Variants in OR8B3 observed in about 807,000 individuals in gnomAD.
OR8B3 encodes olfactory receptor 8B3.
For synonymous variants in OR8B3, 102 were observed against 135.4 expected (o/e 0.75, Z 1.71); for missense variants, 278 against 377.6 (o/e 0.74, Z 2.19).
the OR8B3 span, chr11:124,404,662 T>G: frequency 6.6e-6 from 1 of 152,224 alleles, no homozygotes; most frequent in Non-Finnish European, 1.5e-5. Flanking sequence ...CAGATCCTGT[T>G]TATCCCATTC....
At chr11:124,401,858 G>T (rs1442949607), upstream of OR8B3, among the ~76,000 whole-genome samples, 1 of 152,224 alleles carries the variant, frequency 6.6e-6, no homozygotes, top group Non-Finnish European at 1.5e-5. Context: ...GCTGAGCACT[G>T]TGCTTCTTGG....
intron 1 of OR8B3, among the ~76,000 whole-genome samples, chr11:124,397,819 C>A (rs1860915602): frequency 6.6e-6 from 1 of 151,972 alleles, no homozygotes; most frequent in African/African-American, 2.4e-5. Flanking sequence ...GTCCAGCCTC[C>A]CAGGTAGCTA....
chr11:124,406,999 T>TG, the OR8B3 span, among the ~76,000 whole-genome samples: 1 of 152,198 alleles, frequency 6.6e-6, no homozygotes, highest in Non-Finnish European at 1.5e-5. Context: ...CAAATGTTTT[T>TG]GGGGGCTCTC....
chr11:124,401,435 C>T (rs7123972), upstream of OR8B3, among the ~76,000 whole-genome samples: 2,578 of 152,248 alleles, frequency 0.017, 84 homozygotes, highest in African/African-American at 0.059. Context: ...ACACAGCAAT[C>T]ATCATCAATG....
upstream of OR8B3, chr11:124,399,157 A>T (rs1161106003): frequency 3.3e-5 from 5 of 152,360 alleles, no homozygotes; most frequent in Admixed American, 2.0e-4. Flanking sequence ...CATAGGAGAA[A>T]GAGCATCTGC....
At chr11:124,401,324 C>A (rs1360333759), upstream of OR8B3, among the ~76,000 whole-genome samples, 1 of 151,878 alleles carries the variant, frequency 6.6e-6, no homozygotes, top group Non-Finnish European at 1.5e-5. Flanking sequence ...GGAGAACCCT[C>A]ATGGCCTAAT....
chr11:124,403,097 T>G (rs1260348544), upstream of OR8B3, among the ~76,000 whole-genome samples: 2 of 152,242 alleles, frequency 1.3e-5, no homozygotes, highest in African/African-American at 4.8e-5. Flanking sequence ...CTTAATCCAT[T>G]TAACCCTGAG....
chr11:124,399,902 A>G (rs1347533636), upstream of OR8B3, among the ~76,000 whole-genome samples: 6 of 125,316 alleles, frequency 4.8e-5, no homozygotes, highest in African/African-American at 1.9e-4. Context: ...TTTTTTTTTG[A>G]GACTGTGTCC....
upstream of OR8B3, among the ~76,000 whole-genome samples, chr11:124,402,474 A>G (rs577048528): frequency 4.3e-4 from 66 of 152,334 alleles, no homozygotes; most frequent in South Asian, 0.013. Flanking sequence ...GATTCACAGC[A>G]GAGCCAGGCA....
chr11:124,403,402 G>A (rs574070562), upstream of OR8B3, among the ~76,000 whole-genome samples: 797 of 151,570 alleles, frequency 5.3e-3, 1 homozygote, highest in Non-Finnish European at 9.2e-3. Context: ...CGGACGGGGC[G>A]GCTGCCGGGC....
In OR8B3 at chr11:124,396,543, C is replaced by G. The variant is rs752703352; in HGVS notation, c.809G>C (p.Gly270Ala). The G allele has an allele frequency of 1.1e-5, 18 of 1,613,696 alleles. No individual in the cohort carries two copies. The highest frequency in any genetic ancestry group is 1.4e-5 in the Non-Finnish European group (17 of 1,179,910). Residue 270 changes from glycine to alanine, a missense_variant, in exon 2 of 2, where the codon GGA (glycine) becomes GCA (alanine). Physicochemically the swap from Gly to Ala is moderately conservative, Grantham distance 60 (BLOSUM62 0). Coordinates refer to ENST00000641139, the MANE Select transcript of OR8B3 (RefSeq NM_001005467.2). ...AGTGTAGAAAACAGAAGAAACTTTT[C>G]CCTGCTCCATAGATCCAGAAGAATA... Reference protein sequence around the residue: ...IKYSSGSMEQGKVSSVFYTNV... With the variant: ...IKYSSGSMEQAKVSSVFYTNV...
Position 124,396,254 on chromosome 11 carries a change from C to CA in OR8B3, c.*155dup. 2 of 778,974 alleles carry CA rather than the reference C, an allele frequency of 2.6e-6. No individual in the cohort carries two copies. The highest frequency in any genetic ancestry group is 3.9e-6 in the Non-Finnish European group (2 of 511,758). 48.3% of individuals were successfully genotyped at this position (778,974 alleles called of 1,614,324 possible). On this transcript the variant is annotated 3_prime_UTR_variant, in exon 2 of 2. Transcript: ENST00000641139. The stretch of plus-strand genomic sequence containing the variant: ...GTGAGAAGTGCCAGAGATGCAAAAC[C>CA]AAAAAAAGAGACAAGATGATTTCAT...
At position 124,397,126 on chromosome 11, in the gene OR8B3, C is replaced by G; in HGVS notation, c.226G>C (p.Val76Leu). The G allele has an allele frequency of 8.1e-6, 13 of 1,613,062 alleles. No individual in the cohort carries two copies. Among genetic ancestry groups the G allele is most frequent in the Non-Finnish European group, 1.1e-5 (13 of 1,179,534 alleles). ...LSFIDLCYSSVFTPKMLMNFV... is the reference protein window; with the variant it reads ...LSFIDLCYSSLFTPKMLMNFV... ...TTCATTAGCATTTTGGGAGTGAAAACAGAGGAGTAACAGAGATCAATGAAG... is the reference window on the plus strand; with the variant it reads ...TTCATTAGCATTTTGGGAGTGAAAAGAGAGGAGTAACAGAGATCAATGAAG... Residue 76 changes from valine (V) to leucine (L), a missense_variant, in exon 2 of 2, where the codon GTT (valine) becomes CTT (leucine). By Grantham distance (32) the Val-to-Leu change is conservative. Transcript: ENST00000641139.
chr11:124,407,148 T>C, the OR8B3 span, among the ~76,000 whole-genome samples: 1 of 152,182 alleles, frequency 6.6e-6, no homozygotes, highest in African/African-American at 2.4e-5. Context: ...CTCAAAAATG[T>C]CATCCTAAGA....
the OR8B3 span, chr11:124,404,374 A>T: frequency 6.6e-6 from 1 of 152,236 alleles, no homozygotes; most frequent in South Asian, 2.1e-4. Flanking sequence ...TTTGAGAAGT[A>T]GAAATGGACG....
upstream of OR8B3, among the ~76,000 whole-genome samples, chr11:124,401,216 A>AAGAGAGAGAG (rs1430482395): frequency 6.6e-5 from 2 of 30,396 alleles, no homozygotes; most frequent in South Asian, 2.9e-3. Context: ...GGGAAATGCA[A>AAGAGAGAGAG]AGAGACAGAG....
At position 124,397,172 on chromosome 11, in the gene OR8B3, G is replaced by A. The variant is rs1258879613; in HGVS notation, c.180C>T (p.Tyr60=). ...GLNSHLHTPM[Y]YFLFNLSFID... ...TGAAGGAGAGATTGAAGAGGAAATA[G>A]TACATTGGTGTGTGGAGGTGAGAAT... Residue 60 remains tyrosine (Y), a synonymous_variant, in exon 2 of 2, where the codon TAC becomes TAT. Coordinates refer to ENST00000641139, the MANE Select transcript of OR8B3 (RefSeq NM_001005467.2). 2 of 1,612,286 alleles carry A rather than the reference G, an allele frequency of 1.2e-6. No homozygotes were observed. Among genetic ancestry groups the A allele is most frequent in the East Asian group, 2.2e-5 (1 of 44,872 alleles).
At chr11:124,400,832 C>T (rs1860982883), upstream of OR8B3, among the ~76,000 whole-genome samples, 1 of 151,992 alleles carries the variant, frequency 6.6e-6, no homozygotes, top group African/African-American at 2.4e-5. Flanking sequence ...TCTCTCACAC[C>T]TGGGATTACA....
At chr11:124,399,818 A>C (rs1860959653), upstream of OR8B3, among the ~76,000 whole-genome samples, 2 of 152,158 alleles carry the variant, frequency 1.3e-5, no homozygotes, top group African/African-American at 4.8e-5. Context: ...TGTGTGTGCA[A>C]ATCTATGCAA....
Sources: allele counts gnomAD v4.1 joint callset (sites outside exome capture counted in the v4.1 genomes callset), GRCh38; gene constraint gnomAD v4.1.1; transcripts MANE v1.5; gene names NCBI Gene and HGNC (gene_info 2026-07-23, HGNC 2026-07-21).